The following MYO1F variants were observed in gnomAD, a reference collection of about 807,000 sequenced individuals.
MYO1F encodes the protein myosin IF, also known as unconventional myosin-If.
In MYO1F, 60 loss-of-function variants were observed where a neutral mutation model predicts 146.6. The ratio of observed to expected loss-of-function variants is 0.41; its 90% CI spans 0.33 to 0.51. MYO1F has a LOEUF of 0.51. MYO1F is among the 20% of genes least tolerant of loss of function. MYO1F has a pLI of 0.25. For synonymous variants in MYO1F, 602 were observed against 602.1 expected, an observed-to-expected ratio of 1.00 and a Z score of 0.00; for missense variants, 1,274 against 1,534.3, an observed-to-expected ratio of 0.83 and a Z score of 2.83.
chr19:8,530,336 G>T lies in MYO1F; in HGVS notation c.2188C>A (p.Arg730=), dbSNP rs1385616788. 6.2e-7 allele frequency: 1 copy of T among 1,614,022 alleles called. No homozygotes were observed. The highest frequency in any genetic ancestry group is 8.5e-7 in the Non-Finnish European group (1 of 1,180,024). The change falls in exon 21 of 28, where the codon CGG becomes AGG. Residue 730 remains arginine, a synonymous_variant. Transcript: ENST00000644032. The surrounding 1 kb of genome is among the most constrained non-coding windows in gnomAD (Gnocchi z 5.8). ...ASNILLNKKE[R]RRNSINRNFV... ...TTCCGATTGATGCTGTTGCGCCTCC[G>T]CTCCTTCTTGTTCAGCAGGATGTTG...
At chr19:8,549,099 C>CCA in intron 10 of MYO1F, among the ~76,000 whole-genome samples, 1 of 145,576 alleles carries the variant, frequency 6.9e-6, no homozygotes, top group Non-Finnish European at 1.5e-5. Context: ...TACAGGCATG[C>CCA]GCCACCACGC....
rs888063005 is a variant in MYO1F at position 8,526,715 on chromosome 19, G to A, written c.2621+74C>T. On this transcript the variant is annotated intron_variant, in intron 23 of 27. Transcript: ENST00000644032. ...GCCGGGGCCGAAGCGCAGTTCGGCC[G>A]GGTCGGTGGGGCGGGAGAGGGTGCG... 9 of 1,536,034 alleles carry A rather than the reference G, an allele frequency of 5.9e-6. No homozygotes were observed. The African/African-American group carries it at 8.2e-5, about 14-fold the overall frequency.
intron 1 of MYO1F, among the ~76,000 whole-genome samples, chr19:8,574,816 C>T (rs1481973250): frequency 4.8e-5 from 7 of 146,796 alleles, no homozygotes; most frequent in Admixed American, 2.1e-4. Context: ...AGTGCAGTGG[C>T]GTGATCTCGT....
intron 1 of MYO1F, among the ~76,000 whole-genome samples, chr19:8,574,577 T>TTCTCTCTCTC (rs369077601): frequency 3.8e-5 from 3 of 79,792 alleles, no homozygotes; most frequent in African/African-American, 1.1e-4. Context: ...CTTTCTTTCT[T>TTCTCTCTCTC]TCTCTCTCTC....
At chr19:8,576,875 C>T (rs1196544342) in intron 1 of MYO1F, 3 of 256,840 alleles carry the variant, frequency 1.2e-5, no homozygotes, top group African/African-American at 2.2e-5. Flanking sequence ...CGCATCTAGA[C>T]GGATTTCCAA....
chr19:8,574,559 CTTTCTTTCTTTCTTTCTT>C lies in MYO1F; in HGVS notation c.3+2730_3+2747del, dbSNP rs1282648650. Reference sequence around the variant, plus strand: ...TCTTTCTTTCTTTCTTTCTTTCTTTCTTTCTTTCTTTCTTTCTTTCTCTCTCTCTCTCTCTCTCTTTCT... The same window carrying C: ...TCTTTCTTTCTTTCTTTCTTTCTTTCTCTCTCTCTCTCTCTCTCTCTTTCT... On this transcript the variant is annotated intron_variant, in intron 1 of 27. Transcript: ENST00000644032. Among the ~76,000 whole-genome samples, 342 of 88,160 alleles carry C rather than the reference CTTTCTTTCTTTCTTTCTT, an allele frequency of 3.9e-3. 5 individuals are homozygous for C. Among genetic ancestry groups the C allele is most frequent in the African/African-American group, 0.011 (194 of 17,536 alleles). The allele number at this position is 88,160 out of a possible 152,430, so 57.8% of individuals were successfully genotyped here.
chr19:8,536,441 G>T, intron 18 of MYO1F, 45 bp from the exon 19 acceptor site: 3 of 1,608,678 alleles, frequency 1.9e-6, no homozygotes, highest in Non-Finnish European at 2.5e-6. Context: ...TAGCAGACAG[G>T]CCTGGCTGGG....
chr19:8,559,795 C>G (rs1445384322), intron 1 of MYO1F, among the ~76,000 whole-genome samples: 1 of 151,758 alleles, frequency 6.6e-6, no homozygotes, highest in African/African-American at 2.4e-5. Context: ...ACTAAAAATA[C>G]AAAAATTAGC....
At chr19:8,563,897 G>C (rs970888193) in intron 1 of MYO1F, among the ~76,000 whole-genome samples, 3 of 152,090 alleles carry the variant, frequency 2.0e-5, no homozygotes, top group African/African-American at 7.2e-5. Flanking sequence ...TCAAAGTGCT[G>C]AGATTATAGG....
At chr19:8,523,093 G>T (rs1303165196) in intron 25 of MYO1F, among the ~76,000 whole-genome samples, 2 of 150,188 alleles carry the variant, frequency 1.3e-5, no homozygotes, top group African/African-American at 2.5e-5. Context: ...GTGCAGTGGC[G>T]CGATCTCGGC....
At chr19:8,545,575 G>T in intron 13 of MYO1F, 75 bp downstream of exon 13, 1 of 1,245,550 alleles carries the variant, frequency 8.0e-7, no homozygotes, top group Non-Finnish European at 1.2e-6. Context: ...AACACCCTTG[G>T]CCCTCCCCCT....
At chr19:8,557,295 C>G (rs1973902250) in intron 1 of MYO1F, among the ~76,000 whole-genome samples, 1 of 151,978 alleles carries the variant, frequency 6.6e-6, no homozygotes, top group Non-Finnish European at 1.5e-5. Context: ...AACAACCAAA[C>G]AAACAACAAA....
intron 7 of MYO1F, 62 bp from the exon 8 acceptor site, chr19:8,551,936 A>C (rs776258177): frequency 6.2e-7 from 1 of 1,613,832 alleles, no homozygotes; most frequent in East Asian, 2.2e-5. Flanking sequence ...GTGATCCCTC[A>C]TCTGCCCTGC....
In MYO1F at chr19:8,526,454, G is replaced by A. The variant is rs1338560788; in HGVS notation, c.2769C>T (p.Ser923=). 5 of 1,555,474 alleles carry A rather than the reference G, an allele frequency of 3.2e-6. No homozygotes were observed. The African/African-American group carries it at 6.8e-5, about 21-fold the overall frequency. Reference sequence around the variant, plus strand: ...TGCCCTAGTTCCGCGCAGACTCACTGGAGCTCTTGGGCAGCCCATCGCCCA... The same window carrying A: ...TGCCCTAGTTCCGCGCAGACTCACTAGAGCTCTTGGGCAGCCCATCGCCCA... ...VSVGDGLPKS[S]KPTRKGMAKG... The change falls in exon 24 of 28, where the codon TCC becomes TCT. Residue 923 remains serine, a splice_region_variant and synonymous_variant. Transcript: ENST00000644032.
chr19:8,531,557 A>C (rs1215475455), intron 19 of MYO1F, among the ~76,000 whole-genome samples: 1 of 151,950 alleles, frequency 6.6e-6, no homozygotes, highest in Non-Finnish European at 1.5e-5. Context: ...CAGGCTGGAA[A>C]AATTTTTATC....
chr19:8,534,165 C>T lies in MYO1F; in HGVS notation c.2043+2087G>A, dbSNP rs139400871. Among the ~76,000 whole-genome samples the T allele has an allele frequency of 5.8e-3, 840 of 144,266 alleles. 6 individuals are homozygous for T. Among genetic ancestry groups the T allele is most frequent in the Non-Finnish European group, 9.4e-3 (625 of 66,390 alleles). 94.6% of individuals were successfully genotyped at this position (144,266 alleles called of 152,430 possible). On this transcript the variant is annotated intron_variant, in intron 19 of 27. Coordinates refer to ENST00000644032, the MANE Select transcript of MYO1F (RefSeq NM_012335.4). ...TTCCACTTTAGCCTGGGTGACAGAG[C>T]GAGACTCTGTCTAAAAAAAAAAAAA... is the stretch of plus-strand genomic sequence containing the variant.
At chr19:8,568,438 A>AC (rs60042889) in intron 1 of MYO1F, among the ~76,000 whole-genome samples, 10 of 149,516 alleles carry the variant, frequency 6.7e-5, no homozygotes, top group African/African-American at 2.4e-4. Flanking sequence ...AAAAAAAAAA[A>AC]AAAAAAATTA....
intron 13 of MYO1F, 189 bp downstream of exon 13, chr19:8,545,461 A>T (rs902406007): frequency 1.1e-5 from 7 of 662,438 alleles, no homozygotes; most frequent in Non-Finnish European, 1.9e-5. Flanking sequence ...TGAAAGGTGG[A>T]CAAGTAGGCG....
At chr19:8,534,617 T>A (rs981783348) in intron 19 of MYO1F, among the ~76,000 whole-genome samples, 4 of 151,118 alleles carry the variant, frequency 2.6e-5, no homozygotes, top group Non-Finnish European at 5.9e-5. Flanking sequence ...TTTCTTCTAT[T>A]TTCATTTTAC....
Sources: allele counts gnomAD v4.1 joint callset (sites outside exome capture counted in the v4.1 genomes callset), GRCh38; gene constraint gnomAD v4.1.1; non-coding constraint Gnocchi (gnomAD v3.1); transcripts MANE v1.5; gene names NCBI Gene and HGNC (gene_info 2026-07-23, HGNC 2026-07-21).